The following EGF variants were observed in gnomAD, a reference collection of about 807,000 sequenced individuals.
EGF encodes the protein pro-epidermal growth factor.
Under a neutral mutation model 143.8 loss-of-function variants are expected in EGF, and 95 were observed. The observed-to-expected ratio is 0.66, with a 90% CI of 0.56 to 0.78. EGF has a LOEUF of 0.78. Among genes scored for constraint, EGF ranks in the 30% least tolerant of loss-of-function variants. The pLI, the probability that EGF is intolerant of heterozygous loss-of-function variation, is 0.00. For synonymous variants in EGF, 510 were observed against 510.5 expected, an observed-to-expected ratio of 1.00 and a Z score of 0.01; for missense variants, 1,320 against 1,470.9, an observed-to-expected ratio of 0.90 and a Z score of 1.68.
Position 110,004,215 on chromosome 4 carries a change from T to TACAC in EGF, c.3174-256_3174-253dup, listed in dbSNP as rs772189572. The TACAC allele has an allele frequency of 0.052, 18,600 of 355,706 alleles. 237 individuals are homozygous for TACAC. Among genetic ancestry groups the TACAC allele is most frequent in the East Asian group, 0.08 (1,232 of 15,414 alleles). The allele number at this position is 355,706 out of a possible 1,614,324, so 22.0% of individuals were successfully genotyped here. ...TCCCCCCAACATACATGGGCATACA[T>TACAC]ACACACACACACACACACACACACA... On this transcript the variant is annotated intron_variant, in intron 21 of 23. Coordinates refer to ENST00000265171, the MANE Select transcript of EGF (RefSeq NM_001963.6).
rs114364821 is a variant in EGF, at chr4:109,950,411, C to T, written c.940+5136C>T. 9.1e-3 allele frequency among the ~76,000 whole-genome samples: 1,387 copies of T among 152,254 alleles called. 18 individuals carry two copies. The highest frequency in any genetic ancestry group is 0.03 in the African/African-American group (1,236 of 41,538). On this transcript the variant is annotated intron_variant, in intron 5 of 23. Coordinates refer to ENST00000265171, the MANE Select transcript of EGF (RefSeq NM_001963.6). The stretch of plus-strand genomic sequence containing the variant: ...CTCCTTATGATCTAACCACTCTGCC[C>T]TTCCTGCAGGTTTCTCTCTCCAGCA...
chr4:109,942,077 C>T (rs1391910085), intron 2 of EGF, among the ~76,000 whole-genome samples: 1 of 152,204 alleles, frequency 6.6e-6, no homozygotes, highest in Non-Finnish European at 1.5e-5. Flanking sequence ...CCAATACTTG[C>T]TAATCTCACT....
intron 5 of EGF, 136 bp downstream of exon 5, chr4:109,945,411 C>A (rs1355779023): frequency 4.0e-6 from 3 of 759,330 alleles, no homozygotes; most frequent in South Asian, 1.5e-5. Context: ...TCATAATAGA[C>A]CCCTGTAAGA....
At chr4:110,011,137 G>A in intron 23 of EGF, 65 bp from the exon 24 acceptor site, 1 of 1,583,302 alleles carries the variant, frequency 6.3e-7, no homozygotes, top group Non-Finnish European at 8.6e-7. Context: ...CTACCGTTTA[G>A]GGTCTGTCTT....
At chr4:109,922,933 T>C (rs2125941096) in intron 1 of EGF, among the ~76,000 whole-genome samples, 1 of 151,704 alleles carries the variant, frequency 6.6e-6, no homozygotes, top group Non-Finnish European at 1.5e-5. Context: ...ATTAGAAACA[T>C]TTTCTATAAT....
intron 1 of EGF, 147 bp downstream of exon 1, chr4:109,913,609 A>G (rs769205736): frequency 6.9e-6 from 8 of 1,153,468 alleles, no homozygotes; most frequent in African/African-American, 1.6e-5. Context: ...ATGCATGTTT[A>G]TTTTCTTACT....
rs181447914 is a variant in EGF at position 109,982,077 on chromosome 4, G to C, written c.2371+1102G>C. ...TAGCCTCCTAGTAGCTGGGACCACA[G>C]GCATGCACCACCATGCCTGGCTAAT... is the stretch of plus-strand genomic sequence containing the variant. On this transcript the variant is annotated intron_variant, in intron 15 of 23. Transcript: ENST00000265171. Among the ~76,000 whole-genome samples, 193 of 151,620 alleles carry C rather than the reference G, an allele frequency of 1.3e-3. 1 individual carries two copies. Among genetic ancestry groups the C allele is most frequent in the Non-Finnish European group, 2.2e-3 (152 of 67,882 alleles).
At chr4:110,002,122 T>G in intron 21 of EGF, 1 of 825,548 alleles carries the variant, frequency 1.2e-6, no homozygotes, top group South Asian at 5.5e-5. Context: ...AATCAGTTAT[T>G]TCCTCCCTTA....
chr4:109,966,811 CAT>C (rs1373752658), intron 10 of EGF, among the ~76,000 whole-genome samples: 4 of 151,966 alleles, frequency 2.6e-5, no homozygotes, highest in African/African-American at 9.7e-5. Flanking sequence ...AGCATTTTTT[CAT>C]ATGTTTGTAG....
chr4:109,947,008 A>C (rs1742977332), intron 5 of EGF, among the ~76,000 whole-genome samples: 1 of 152,158 alleles, frequency 6.6e-6, no homozygotes, highest in African/African-American at 2.4e-5. Flanking sequence ...AGTCCCAGCT[A>C]TTCGGGAGGC....
intron 15 of EGF, among the ~76,000 whole-genome samples, chr4:109,982,049 C>T (rs1251150708): frequency 1.3e-5 from 2 of 151,870 alleles, no homozygotes; most frequent in Non-Finnish European, 2.9e-5. Flanking sequence ...TGGGACCCTA[C>T]CTTAGCCTCC....
intron 20 of EGF, among the ~76,000 whole-genome samples, chr4:109,997,397 C>T (rs1262359142): frequency 6.6e-6 from 1 of 152,168 alleles, no homozygotes; most frequent in African/African-American, 2.4e-5. Context: ...GTATATACCA[C>T]AACACATTAA....
chr4:109,927,200 A>G (rs1297910853), intron 1 of EGF, among the ~76,000 whole-genome samples: 1 of 152,258 alleles, frequency 6.6e-6, no homozygotes, highest in Non-Finnish European at 1.5e-5. Context: ...AATACAGCCA[A>G]TGATGCATTT....
intron 1 of EGF, among the ~76,000 whole-genome samples, chr4:109,933,241 G>A (rs772439186): frequency 3.9e-5 from 6 of 152,108 alleles, no homozygotes; most frequent in Admixed American, 6.6e-5. Context: ...AGATGTCTAC[G>A]TGATTCTACA....
intron 2 of EGF, among the ~76,000 whole-genome samples, chr4:109,941,886 G>A (rs897307323): frequency 6.6e-6 from 1 of 152,200 alleles, no homozygotes; most frequent in African/African-American, 2.4e-5. Flanking sequence ...CCTTACATGA[G>A]TCCCAGGAGG....
chr4:109,975,986 T>A (rs1293620116), intron 12 of EGF, 26 bp from the exon 13 acceptor site: 3 of 1,592,920 alleles, frequency 1.9e-6, no homozygotes, highest in Admixed American at 1.7e-5. Flanking sequence ...GCAGATATTA[T>A]TTGTTGTGTG....
At chr4:109,998,482 T>C (rs916390701) in intron 20 of EGF, among the ~76,000 whole-genome samples, 2 of 152,234 alleles carry the variant, frequency 1.3e-5, no homozygotes, top group African/African-American at 4.8e-5. Flanking sequence ...TGTGACGTTG[T>C]ACAAACTCCT....
At chr4:109,984,039 G>T (rs1249353213) in intron 16 of EGF, among the ~76,000 whole-genome samples, 1 of 152,148 alleles carries the variant, frequency 6.6e-6, no homozygotes, top group Non-Finnish European at 1.5e-5. Flanking sequence ...TGTTCAGTAT[G>T]TAACAACTTT....
At chr4:109,991,668 A>C (rs1472650955) in intron 18 of EGF, among the ~76,000 whole-genome samples, 2 of 152,252 alleles carry the variant, frequency 1.3e-5, no homozygotes, top group Non-Finnish European at 2.9e-5. Flanking sequence ...TTATATAAAA[A>C]GCAAAACTGT....
Sources: gnomAD v4.1 joint callset for allele counts (sites outside exome capture counted in the v4.1 genomes callset) on GRCh38, gnomAD v4.1.1 for gene constraint, MANE v1.5 for transcripts, NCBI Gene and HGNC (gene_info 2026-07-23, HGNC 2026-07-21) for gene names.